Variants in PDZRN4 observed in about 807,000 individuals in gnomAD.
PDZRN4 encodes PDZ domain-containing RING finger protein 4.
Under a neutral mutation model 99.0 loss-of-function variants are expected in PDZRN4, and 70 were observed. The ratio of observed to expected loss-of-function variants is 0.71; its 90% CI spans 0.58 to 0.86. The LOEUF (loss-of-function observed/expected upper bound fraction) is 0.86, where lower values mean the gene tolerates loss of function less well. Ranked by LOEUF, PDZRN4 falls within the 40% of genes least tolerant of loss-of-function variation. The pLI is 0.00. For synonymous variants in PDZRN4, 551 were observed against 501.6 expected (o/e 1.10, Z -1.32); for missense variants, 1,474 against 1,331.2 (o/e 1.11, Z -1.67).
intron 3 of PDZRN4, among the ~76,000 whole-genome samples, chr12:41,414,706 G>A (rs1156616417): frequency 6.6e-6 from 1 of 151,964 alleles, no homozygotes; most frequent in Non-Finnish European, 1.5e-5. Flanking sequence ...AAGCATATAT[G>A]AAATTTTTAC....
At chr12:41,341,177 A>G (rs1171317407) in intron 3 of PDZRN4, among the ~76,000 whole-genome samples, 1 of 148,768 alleles carries the variant, frequency 6.7e-6, no homozygotes, top group Non-Finnish European at 1.5e-5. Flanking sequence ...AAAAAAAAAA[A>G]CTCTTAAAAA....
At chr12:41,416,058 T>G (rs1439179761) in intron 3 of PDZRN4, among the ~76,000 whole-genome samples, 1 of 152,192 alleles carries the variant, frequency 6.6e-6, no homozygotes, top group Non-Finnish European at 1.5e-5. Flanking sequence ...GAGACCCAAA[T>G]ATTTCCTCTG....
intron 9 of PDZRN4, among the ~76,000 whole-genome samples, chr12:41,571,709 G>A (rs1326390687): frequency 6.6e-6 from 1 of 152,078 alleles, no homozygotes; most frequent in Non-Finnish European, 1.5e-5. Flanking sequence ...AGAAATTCTG[G>A]CACTGGAAGA....
chr12:41,188,643 A>T lies in PDZRN4; in HGVS notation c.188A>T (p.Glu63Val), dbSNP rs1950710330. ...PLQCQPLAPG[E>V]LYRVLPLRSL... ...CAGTGCCAGCCCTTGGCGCCCGGCG[A>T]GCTGTACCGGGTGCTGCCGCTGCGC... is the stretch of plus-strand genomic sequence containing the variant. The change falls in exon 1 of 10, where the codon GAG becomes GTG. Residue 63 changes from glutamate (E) to valine (V), a missense_variant. Transcript: ENST00000402685. The T allele has an allele frequency of 6.5e-7, 1 of 1,542,488 alleles. No individual in the cohort carries two copies.
At chr12:41,545,968 G>A (rs1312911268) in intron 5 of PDZRN4, among the ~76,000 whole-genome samples, 1 of 152,038 alleles carries the variant, frequency 6.6e-6, no homozygotes, top group African/African-American at 2.4e-5. Flanking sequence ...ATCAGATAAC[G>A]TCATCAACTA....
chr12:41,202,459 C>G (rs1950823348), intron 3 of PDZRN4, among the ~76,000 whole-genome samples: 1 of 152,028 alleles, frequency 6.6e-6, no homozygotes, highest in Non-Finnish European at 1.5e-5. Flanking sequence ...GAGAAAGTGT[C>G]ACAAAGGAGA....
At chr12:41,283,466 A>T (rs538191134) in intron 3 of PDZRN4, among the ~76,000 whole-genome samples, 1 of 152,338 alleles carries the variant, frequency 6.6e-6, no homozygotes, top group Non-Finnish European at 1.5e-5. Flanking sequence ...TTCTGAAACT[A>T]TTCTGAACAA....
chr12:41,318,157 G>A (rs188338314), intron 3 of PDZRN4, among the ~76,000 whole-genome samples: 7 of 152,200 alleles, frequency 4.6e-5, no homozygotes, highest in East Asian at 1.9e-4. Context: ...TGTTTAGATC[G>A]TTTATTATTG....
At chr12:41,310,706 CT>C (rs940844123) in intron 3 of PDZRN4, among the ~76,000 whole-genome samples, 10 of 152,278 alleles carry the variant, frequency 6.6e-5, no homozygotes, top group Admixed American at 2.6e-4. Context: ...GCAAAGGCTA[CT>C]TTTTTCCCCC....
chr12:41,393,037 G>A (rs748638940), intron 3 of PDZRN4, among the ~76,000 whole-genome samples: 1 of 152,124 alleles, frequency 6.6e-6, no homozygotes, highest in African/African-American at 2.4e-5. Context: ...CACTGTATAA[G>A]TGTTCTCACT....
chr12:41,385,315 G>C (rs772480452), intron 3 of PDZRN4, among the ~76,000 whole-genome samples: 5 of 152,122 alleles, frequency 3.3e-5, no homozygotes, highest in South Asian at 2.1e-4. Flanking sequence ...AAATGTCACA[G>C]GGGAAAGGCA....
At chr12:41,530,125 A>G (rs1816973909) in intron 5 of PDZRN4, among the ~76,000 whole-genome samples, 1 of 152,222 alleles carries the variant, frequency 6.6e-6, no homozygotes, top group Non-Finnish European at 1.5e-5. Context: ...ACTCTGAGTG[A>G]TAAATACTAT....
chr12:41,191,417 T>G (rs765304773), intron 1 of PDZRN4, 41 bp from the exon 2 acceptor site: 4 of 969,758 alleles, frequency 4.1e-6, no homozygotes, highest in Non-Finnish European at 6.4e-6. Context: ...TTTTCTTTTA[T>G]ATTTTTACCT....
intron 3 of PDZRN4, among the ~76,000 whole-genome samples, chr12:41,329,902 C>T (rs563485260): frequency 6.6e-6 from 1 of 152,096 alleles, no homozygotes; most frequent in African/African-American, 2.4e-5. Flanking sequence ...AAGGATGAAT[C>T]CTCAATCCTC....
chr12:41,451,068 T>C (rs772759642), intron 3 of PDZRN4, among the ~76,000 whole-genome samples: 4 of 152,006 alleles, frequency 2.6e-5, no homozygotes, highest in African/African-American at 4.8e-5. Context: ...AAGACTGTTA[T>C]AGTCTAACTT....
Position 41,411,060 on chromosome 12 carries a change from TA to T in PDZRN4, c.844-95395del, listed in dbSNP as rs1229392935. 2.3e-3 allele frequency among the ~76,000 whole-genome samples: 286 copies of T among 124,900 alleles called. 4 individuals are homozygous for T. The South Asian group carries it at 0.033, about 14-fold the overall frequency. 81.9% of individuals were successfully genotyped at this position (124,900 alleles called of 152,430 possible). A position where few individuals can be genotyped will look rare whatever the true frequency, so the allele number is the denominator to read the frequency against. ...CACTGAGCTTTAAAATATATATATATATATATATTTTTTTTTTATTTGTAAA... is the reference window on the plus strand; with the variant it reads ...CACTGAGCTTTAAAATATATATATATTATATATTTTTTTTTTATTTGTAAA... On this transcript the variant is annotated intron_variant, in intron 3 of 9. Transcript: ENST00000402685.
At chr12:41,422,394 T>A (rs1952497324) in intron 3 of PDZRN4, among the ~76,000 whole-genome samples, 1 of 152,186 alleles carries the variant, frequency 6.6e-6, no homozygotes, top group Non-Finnish European at 1.5e-5. Context: ...TTGGTTATCA[T>A]TATTATAGTA....
intron 3 of PDZRN4, among the ~76,000 whole-genome samples, chr12:41,365,801 C>G (rs1423963133): frequency 6.6e-6 from 1 of 152,048 alleles, no homozygotes; most frequent in Non-Finnish European, 1.5e-5. Context: ...TCAGAGCAAA[C>G]AAGGTTTCAG....
intron 6 of PDZRN4, among the ~76,000 whole-genome samples, chr12:41,554,164 A>G (rs538455130): frequency 1.3e-5 from 2 of 152,340 alleles, no homozygotes; most frequent in South Asian, 4.1e-4. Flanking sequence ...AGTATAAGGA[A>G]ACACCTGTGG....
Sources: gnomAD v4.1 joint callset for allele counts (sites outside exome capture counted in the v4.1 genomes callset) on GRCh38, gnomAD v4.1.1 for gene constraint, MANE v1.5 for transcripts, NCBI Gene and HGNC (gene_info 2026-07-23, HGNC 2026-07-21) for gene names.